Variants in DAP observed in about 807,000 individuals in gnomAD.
The protein encoded by DAP is death associated protein, also known as death-associated protein 1.
DAP carries 8 observed loss-of-function variants against 13.8 expected under a neutral mutation model. The observed-to-expected ratio is 0.58, with a 90% CI of 0.34 to 1.05. DAP has a LOEUF of 1.05. Ranked by LOEUF, DAP falls within the 50% of genes least tolerant of loss-of-function variation. DAP has a pLI of 0.03. For synonymous variants in DAP, 47 were observed against 47.5 expected (o/e 0.99, Z 0.04); for missense variants, 106 against 133.2 (o/e 0.80, Z 1.01).
chr5:10,757,592 C>T (rs1231996490), intron 1 of DAP, among the ~76,000 whole-genome samples: 4 of 152,158 alleles, frequency 2.6e-5, no homozygotes, highest in African/African-American at 4.8e-5. Flanking sequence ...GGTTTTTAAA[C>T]GGCACTGTCC....
chr5:10,748,165 A>G lies in DAP; in HGVS notation c.152+10T>C, dbSNP rs1739958940. On this transcript the variant is annotated intron_variant, in intron 2 of 3. Coordinates refer to ENST00000230895, the MANE Select transcript of DAP (RefSeq NM_004394.3). Reference sequence around the variant, plus strand: ...GAAAACATGCTCAAGAGTCGCTAGCATCATCCCACCTGGGGCTTTCCCATT... The same window carrying G: ...GAAAACATGCTCAAGAGTCGCTAGCGTCATCCCACCTGGGGCTTTCCCATT... 3.1e-6 allele frequency: 5 copies of G among 1,591,806 alleles called. No homozygotes were observed. The highest frequency in any genetic ancestry group is 3.3e-5 in the Admixed American group (2 of 59,974).
At chr5:10,752,115 A>G (rs896907603) in intron 1 of DAP, among the ~76,000 whole-genome samples, 30 of 152,260 alleles carry the variant, frequency 2.0e-4, no homozygotes, top group Middle Eastern at 3.2e-3. Flanking sequence ...GAAATGATCA[A>G]GTCTTCTGAA....
intron 2 of DAP, among the ~76,000 whole-genome samples, chr5:10,715,186 A>C (rs530579886): frequency 6.6e-6 from 1 of 152,252 alleles, no homozygotes; most frequent in East Asian, 1.9e-4. Context: ...GGAGAGGAGG[A>C]GGCCCCAAAT....
intron 2 of DAP, among the ~76,000 whole-genome samples, chr5:10,713,060 GCCAACCA>G (rs1161625974): frequency 2.6e-5 from 4 of 152,194 alleles, no homozygotes; most frequent in African/African-American, 9.6e-5. Flanking sequence ...CAACCAACCA[GCCAACCA>G]ATCTGCCTTA....
intron 2 of DAP, among the ~76,000 whole-genome samples, chr5:10,695,085 A>G (rs1022095632): frequency 6.6e-6 from 1 of 152,194 alleles, no homozygotes; most frequent in Non-Finnish European, 1.5e-5. Flanking sequence ...TGGACAGCAA[A>G]ATAATAATTA....
chr5:10,695,304 C>T (rs1025944597), intron 2 of DAP, among the ~76,000 whole-genome samples: 2 of 152,222 alleles, frequency 1.3e-5, no homozygotes, highest in Non-Finnish European at 2.9e-5. Flanking sequence ...AAATGGAAGC[C>T]GGCCAGGCAC....
At chr5:10,753,762 G>A (rs897673973) in intron 1 of DAP, among the ~76,000 whole-genome samples, 10 of 152,208 alleles carry the variant, frequency 6.6e-5, no homozygotes, top group African/African-American at 2.2e-4. Flanking sequence ...TCACACAAAT[G>A]TCCCAAAAGC....
chr5:10,719,562 C>G (rs1283288148), intron 2 of DAP, among the ~76,000 whole-genome samples: 2 of 152,220 alleles, frequency 1.3e-5, no homozygotes, highest in Admixed American at 1.3e-4. Context: ...GAACATTTGA[C>G]TATGGGTCAT....
chr5:10,717,206 A>C (rs1284510246), intron 2 of DAP, among the ~76,000 whole-genome samples: 1 of 152,234 alleles, frequency 6.6e-6, no homozygotes, highest in Non-Finnish European at 1.5e-5. Flanking sequence ...CGGGCTTCAG[A>C]AGCAGATACT....
At position 10,685,217 on chromosome 5, in the gene DAP, C is replaced by A. The variant is rs569212562; in HGVS notation, c.153-1646G>T. Among the ~76,000 whole-genome samples the A allele has an allele frequency of 9.0e-5, 4 of 44,662 alleles. No homozygotes were observed. The African/African-American group carries it at 9.2e-4, about 10-fold the overall frequency. The allele number at this position is 44,662 out of a possible 152,430, so 29.3% of individuals were successfully genotyped here. Reference sequence around the variant, plus strand: ...TTTTACTAAGCAGCACAGAGATGCCCCATACATTACCTTGGTTTTATTTAG... The same window carrying A: ...TTTTACTAAGCAGCACAGAGATGCCACATACATTACCTTGGTTTTATTTAG... On this transcript the variant is annotated intron_variant, in intron 2 of 3. Transcript: ENST00000230895.
chr5:10,687,190 AT>A (rs1247102955), intron 2 of DAP, among the ~76,000 whole-genome samples: 1 of 152,206 alleles, frequency 6.6e-6, no homozygotes, highest in Non-Finnish European at 1.5e-5. Flanking sequence ...CTGCTGATTT[AT>A]AATGCTCCTG....
chr5:10,699,781 C>A (rs1738521274), intron 2 of DAP, among the ~76,000 whole-genome samples: 1 of 152,216 alleles, frequency 6.6e-6, no homozygotes, highest in African/African-American at 2.4e-5. Context: ...GAGTGTGCTG[C>A]ACTAGGCCCC....
chr5:10,718,613 G>C (rs1025841851), intron 2 of DAP, among the ~76,000 whole-genome samples: 1 of 152,220 alleles, frequency 6.6e-6, no homozygotes, highest in African/African-American at 2.4e-5. Flanking sequence ...AAGACAGGTG[G>C]ATCTTGGGGA....
rs894856079 is a variant in DAP, at chr5:10,733,163, T to C, written c.152+15012A>G. On this transcript the variant is annotated intron_variant, in intron 2 of 3. Transcript: ENST00000230895. ...GTTGAATAATATTCCTGCGTGTGTG[T>C]GTGTGTGTGTGTGTGTGTGTGTGTG... is the stretch of plus-strand genomic sequence containing the variant. 6.4e-3 allele frequency among the ~76,000 whole-genome samples: 419 copies of C among 65,204 alleles called. 2 individuals carry two copies. Among genetic ancestry groups the C allele is most frequent in the African/African-American group, 0.02 (402 of 20,052 alleles). The allele number at this position is 65,204 out of a possible 152,430, so 42.8% of individuals were successfully genotyped here.
intron 2 of DAP, among the ~76,000 whole-genome samples, chr5:10,739,432 T>C (rs903797822): frequency 6.6e-6 from 1 of 152,032 alleles, no homozygotes; most frequent in East Asian, 1.9e-4. Flanking sequence ...ATGGTTGAGG[T>C]GTTTTTATAT....
At chr5:10,753,771 G>A (rs546667652) in intron 1 of DAP, among the ~76,000 whole-genome samples, 2 of 152,330 alleles carry the variant, frequency 1.3e-5, no homozygotes, top group East Asian at 3.9e-4. Flanking sequence ...TGTCCCAAAA[G>A]CATCCACTGC....
chr5:10,698,078 C>T (rs555751594), intron 2 of DAP, among the ~76,000 whole-genome samples: 23 of 152,176 alleles, frequency 1.5e-4, no homozygotes, highest in Non-Finnish European at 2.9e-5. Flanking sequence ...CCTTAGTCCA[C>T]CTTTCCCACA....
chr5:10,735,916 G>C (rs1403660245), intron 2 of DAP, among the ~76,000 whole-genome samples: 1 of 152,220 alleles, frequency 6.6e-6, no homozygotes, highest in African/African-American at 2.4e-5. Context: ...GAGATCCTAG[G>C]CTCCAGTACT....
chr5:10,691,066 C>T (rs571058367), intron 2 of DAP, among the ~76,000 whole-genome samples: 2 of 152,310 alleles, frequency 1.3e-5, no homozygotes, highest in South Asian at 2.1e-4. Flanking sequence ...TTCCCTGCCA[C>T]AGAATAATAA....
Sources: allele counts gnomAD v4.1 joint callset (sites outside exome capture counted in the v4.1 genomes callset), GRCh38; gene constraint gnomAD v4.1.1; transcripts MANE v1.5; gene names NCBI Gene and HGNC (gene_info 2026-07-23, HGNC 2026-07-21).